ZNF169: variants seen among roughly 807,000 people sequenced by gnomAD.
The protein encoded by ZNF169 is zinc finger protein 169.
Under a neutral mutation model 12.0 loss-of-function variants are expected in ZNF169, and 11 were observed. That is an observed-to-expected ratio of 0.92 (90% CI 0.58 to 1.52). The LOEUF is 1.52. Ranked by LOEUF, ZNF169 falls within the 40% of genes most tolerant of loss-of-function variation. The pLI is 0.00. For missense variants in ZNF169, 722 were observed against 744.0 expected (o/e 0.97, Z 0.34); for synonymous variants, 302 against 286.5 (o/e 1.05, Z -0.55).
intron 2 of ZNF169, among the ~76,000 whole-genome samples, chr9:94,291,451 G>A (rs368212981): frequency 6.6e-5 from 10 of 152,162 alleles, no homozygotes; most frequent in South Asian, 2.1e-4. Flanking sequence ...TCAACATAGC[G>A]CTGGAAGTTC....
At chr9:94,298,791 C>T (rs1258781583) in intron 4 of ZNF169, among the ~76,000 whole-genome samples, 2 of 151,060 alleles carry the variant, frequency 1.3e-5, no homozygotes, top group Non-Finnish European at 2.9e-5. Context: ...TATCAACTTA[C>T]GGAAGCTGAA....
chr9:94,299,968 C>G lies in ZNF169; in HGVS notation c.410C>G (p.Ser137Cys). ...TTCCAACTAGAAGCTCCAAGATGCT[C>G]TAGTGAAAAAGGAGAAAGTGGAGAG... ...GDFQLEAPRCSSEKGESGETE... is the reference protein window; with the variant it reads ...GDFQLEAPRCCSEKGESGETE... Residue 137 changes from serine (S) to cysteine (C), a missense_variant, in exon 5 of 5, where the codon TCT becomes TGT. Transcript: ENST00000395395. 3 of 1,614,062 alleles carry G rather than the reference C, an allele frequency of 1.9e-6. No individual in the cohort carries two copies. Among genetic ancestry groups the G allele is most frequent in the Non-Finnish European group, 2.5e-6 (3 of 1,180,028 alleles).
chr9:94,261,172 G>A (rs2118531804), intron 1 of ZNF169, among the ~76,000 whole-genome samples: 1 of 152,208 alleles, frequency 6.6e-6, no homozygotes, highest in Admixed American at 6.5e-5. Context: ...CTCCCGAGTA[G>A]CTGGGACTAC....
intron 1 of ZNF169, among the ~76,000 whole-genome samples, chr9:94,273,054 A>G (rs1444054298): frequency 2.3e-5 from 3 of 128,360 alleles, no homozygotes; most frequent in African/African-American, 8.4e-5. Context: ...CAAGTCATTT[A>G]TTCATTTTTA....
intron 1 of ZNF169, among the ~76,000 whole-genome samples, chr9:94,274,063 C>T (rs1384337331): frequency 1.3e-5 from 2 of 152,188 alleles, no homozygotes; most frequent in East Asian, 3.8e-4. Context: ...AGGCCTTTCT[C>T]CTTGGCTTAT....
At chr9:94,271,195 A>T (rs967237118) in intron 1 of ZNF169, among the ~76,000 whole-genome samples, 2 of 149,978 alleles carry the variant, frequency 1.3e-5, no homozygotes, top group Non-Finnish European at 2.9e-5. Flanking sequence ...TCCTGGGCTC[A>T]AGCAGTCCTC....
chr9:94,292,962 T>C lies in ZNF169; in HGVS notation c.161-12T>C. Reference sequence around the variant, plus strand: ...ACTCAAGATCACCTTGGTTTTTTTTTCCTGTGAGTAGGAATTGCATTTTCC... The same window carrying C: ...ACTCAAGATCACCTTGGTTTTTTTTCCCTGTGAGTAGGAATTGCATTTTCC... On this transcript the variant is annotated splice_polypyrimidine_tract_variant and intron_variant, in intron 3 of 4. Coordinates refer to ENST00000395395, the MANE Select transcript of ZNF169 (RefSeq NM_194320.4). 1 of 1,601,494 alleles carries C rather than the reference T, an allele frequency of 6.2e-7. No individual in the cohort carries two copies. The highest frequency in any genetic ancestry group is 8.5e-7 in the Non-Finnish European group (1 of 1,171,972).
chr9:94,275,300 A>G (rs1323153092), intron 1 of ZNF169, among the ~76,000 whole-genome samples: 2 of 152,208 alleles, frequency 1.3e-5, no homozygotes, highest in African/African-American at 2.4e-5. Context: ...TACCATTATA[A>G]CGTCGAAAAA....
At chr9:94,275,295 T>C (rs1830499877) in intron 1 of ZNF169, among the ~76,000 whole-genome samples, 1 of 152,194 alleles carries the variant, frequency 6.6e-6, no homozygotes, top group Non-Finnish European at 1.5e-5. Context: ...TTTCATACCA[T>C]TATAACGTCG....
rs149311722 is a variant in ZNF169 at position 94,293,065 on chromosome 9, T to C, written c.252T>C (p.Cys84=). The C allele has an allele frequency of 6.4e-5, 103 of 1,612,522 alleles. No homozygotes were observed. Among genetic ancestry groups the C allele is most frequent in the Admixed American group, 1.8e-4 (11 of 59,842 alleles). ...AGAACGAACATCTTCTGGACCTTTG[T>C]CCAGGTGAGTGGGAAGCCCTGGGCA... ...REENEHLLDL[C]PEPRTEFQPS... The change falls in exon 4 of 5, where the codon TGT becomes TGC. Residue 84 remains cysteine, a synonymous_variant. Coordinates refer to ENST00000395395, the MANE Select transcript of ZNF169 (RefSeq NM_194320.4).
Position 94,300,591 on chromosome 9 carries a change from C to T in ZNF169, c.1033C>T (p.Pro345Ser). The T allele has an allele frequency of 6.2e-7, 1 of 1,614,172 alleles. No individual in the cohort carries two copies. The highest frequency in any genetic ancestry group is 8.5e-7 in the Non-Finnish European group (1 of 1,180,014). The change falls in exon 5 of 5, where the codon CCC (proline) becomes TCC (serine). Residue 345 changes from proline to serine, a missense_variant. Physicochemically the swap from Pro to Ser is moderately conservative, Grantham distance 74. Transcript: ENST00000395395. ...LHQRTHLEEK[P>S]FVCPECGRGF... ...CCAGAGGACGCACTTGGAGGAGAAG[C>T]CCTTCGTGTGTCCTGAGTGTGGGAG...
At chr9:94,296,062 A>C (rs1427582604) in intron 4 of ZNF169, among the ~76,000 whole-genome samples, 1 of 152,214 alleles carries the variant, frequency 6.6e-6, no homozygotes, top group Admixed American at 6.5e-5. Flanking sequence ...TATTAATTTC[A>C]GACATTCTTA....
At position 94,300,675 on chromosome 9, in the gene ZNF169, C is replaced by A; in HGVS notation, c.1117C>A (p.Pro373Thr). The A allele has an allele frequency of 6.2e-7, 1 of 1,614,038 alleles. No homozygotes were observed. Among genetic ancestry groups the A allele is most frequent in the Non-Finnish European group, 8.5e-7 (1 of 1,179,962 alleles). Reference sequence around the variant, plus strand: ...CCAGAGCTCACACACAGGGGAGAGGCCCTTCCTGTGCCTTGAGTGTGGGCG... The same window carrying A: ...CCAGAGCTCACACACAGGGGAGAGGACCTTCCTGTGCCTTGAGTGTGGGCG... ...QHQSSHTGER[P>T]FLCLECGRSF... Residue 373 changes from proline (P) to threonine (T), a missense_variant, in exon 5 of 5, where the codon CCC becomes ACC. Physicochemically the swap from Pro to Thr is conservative, Grantham distance 38. Coordinates refer to ENST00000395395, the MANE Select transcript of ZNF169 (RefSeq NM_194320.4).
At chr9:94,260,437 G>C (rs994163551) in intron 1 of ZNF169, among the ~76,000 whole-genome samples, 2 of 152,134 alleles carry the variant, frequency 1.3e-5, no homozygotes, top group East Asian at 3.9e-4. Context: ...CCGGGTTTGT[G>C]GGGGAGGATT....
chr9:94,262,670 A>G (rs1830225268), intron 1 of ZNF169, among the ~76,000 whole-genome samples: 1 of 152,070 alleles, frequency 6.6e-6, no homozygotes, highest in Non-Finnish European at 1.5e-5. Context: ...CATGTTGGCC[A>G]GGATGGTCTT....
At chr9:94,264,884 T>A (rs1182037730) in intron 1 of ZNF169, among the ~76,000 whole-genome samples, 4 of 152,148 alleles carry the variant, frequency 2.6e-5, no homozygotes, top group Admixed American at 2.6e-4. Context: ...TTCTACTACC[T>A]TTTGTTTATC....
At chr9:94,291,262 C>G (rs1401850133) in intron 2 of ZNF169, among the ~76,000 whole-genome samples, 1 of 151,940 alleles carries the variant, frequency 6.6e-6, no homozygotes, top group Non-Finnish European at 1.5e-5. Context: ...CCATCTTGGC[C>G]AGGCTGGTCT....
At chr9:94,277,698 G>T (rs978609363) in intron 1 of ZNF169, among the ~76,000 whole-genome samples, 2 of 151,920 alleles carry the variant, frequency 1.3e-5, no homozygotes, top group African/African-American at 2.4e-5. Flanking sequence ...TTGGGAGGCC[G>T]AGGCGGGCGG....
chr9:94,297,063 A>G (rs1830968067), intron 4 of ZNF169, among the ~76,000 whole-genome samples: 1 of 151,588 alleles, frequency 6.6e-6, no homozygotes, highest in African/African-American at 2.4e-5. Flanking sequence ...AAATAAAATA[A>G]AATAAAAAAT....
Sources: gnomAD v4.1 joint callset for allele counts (sites outside exome capture counted in the v4.1 genomes callset) on GRCh38, gnomAD v4.1.1 for gene constraint, MANE v1.5 for transcripts, NCBI Gene and HGNC (gene_info 2026-07-23, HGNC 2026-07-21) for gene names.